The following PCDHA3 variants were observed in gnomAD, a reference collection of about 807,000 sequenced individuals.
PCDHA3 encodes protocadherin alpha 3, also known as protocadherin alpha-3.
PCDHA3 carries 41 observed loss-of-function variants against 62.2 expected under a neutral mutation model. The observed-to-expected ratio is 0.66, with a 90% CI of 0.51 to 0.86. PCDHA3 has a LOEUF of 0.86. Among genes scored for constraint, PCDHA3 ranks in the 40% least tolerant of loss-of-function variants. PCDHA3 has a pLI of 0.00. For missense variants in PCDHA3, 1,304 were observed against 1,241.2 expected (o/e 1.05, Z -0.76); for synonymous variants, 640 against 555.4 (o/e 1.15, Z -2.14).
intron 1 of PCDHA3, chr5:140,876,134 A>T: frequency 6.2e-7 from 1 of 1,613,962 alleles, no homozygotes; most frequent in Non-Finnish European, 8.5e-7. Flanking sequence ...GGTAAACCAG[A>T]ACTAACAGGG....
intron 1 of PCDHA3, chr5:140,877,090 G>C: frequency 2.5e-6 from 4 of 1,613,186 alleles, no homozygotes; most frequent in Non-Finnish European, 3.4e-6. Flanking sequence ...CGCGCGCGAC[G>C]CCGGCGTGCC....
intron 1 of PCDHA3, chr5:140,807,298 G>A (rs1269020710): frequency 3.7e-6 from 6 of 1,614,096 alleles, no homozygotes; most frequent in Non-Finnish European, 5.1e-6. Context: ...CGGTCTCCGA[G>A]GAGGCCAAAC....
chr5:140,851,936 G>C (rs1554145612), intron 1 of PCDHA3: 1 of 965,662 alleles, frequency 1.0e-6, no homozygotes, highest in African/African-American at 1.8e-5. Flanking sequence ...CTGAATTGTA[G>C]TATGTGACTT....
intron 3 of PCDHA3, among the ~76,000 whole-genome samples, chr5:141,000,421 A>ATATT (rs1265241806): frequency 1.1e-4 from 3 of 27,978 alleles, no homozygotes; most frequent in Non-Finnish European, 1.7e-4. Flanking sequence ...ATATATATAT[A>ATATT]TTTTTTTTTT....
At chr5:140,857,335 G>T in intron 1 of PCDHA3, 1 of 1,598,584 alleles carries the variant, frequency 6.3e-7, no homozygotes, top group South Asian at 1.1e-5. Flanking sequence ...CGCGGGACGG[G>T]GGCTCGCCTC....
At chr5:140,857,904 T>A (rs781796196) in intron 1 of PCDHA3, 3 of 1,597,710 alleles carry the variant, frequency 1.9e-6, no homozygotes, top group Admixed American at 3.4e-5. Context: ...GGTGCACGCA[T>A]CCCGTTTCGC....
At position 141,010,411 on chromosome 5, in the gene PCDHA3, G is replaced by A. The variant is rs1215041869; in HGVS notation, c.*474G>A. On this transcript the variant is annotated 3_prime_UTR_variant, in exon 4 of 4. Coordinates refer to ENST00000522353, the MANE Select transcript of PCDHA3 (RefSeq NM_018906.3). Reference sequence around the variant, plus strand: ...TGAGACGAGCCAGCTTAGACTAATTGGTACAAGGAAGGCAAGAAAACAAAG... The same window carrying A: ...TGAGACGAGCCAGCTTAGACTAATTAGTACAAGGAAGGCAAGAAAACAAAG... The A allele has an allele frequency of 8.2e-7, 1 of 1,224,354 alleles. No individual in the cohort carries two copies. Among genetic ancestry groups the A allele is most frequent in the Admixed American group, 2.9e-5 (1 of 35,038 alleles). 75.8% of individuals were successfully genotyped at this position (1,224,354 alleles called of 1,614,324 possible).
At chr5:140,858,561 C>T in intron 1 of PCDHA3, 1 of 1,370,342 alleles carries the variant, frequency 7.3e-7, no homozygotes, top group Non-Finnish European at 1.0e-6. Flanking sequence ...TTGAATATTT[C>T]TAGTGATACC....
At chr5:140,826,718 G>A (rs2150145138) in intron 1 of PCDHA3, among the ~76,000 whole-genome samples, 1 of 152,166 alleles carries the variant, frequency 6.6e-6, no homozygotes, top group Non-Finnish European at 1.5e-5. Context: ...TGAGAAAGAG[G>A]AAGAGCAAGT....
intron 1 of PCDHA3, chr5:140,875,499 G>A (rs782342111): frequency 1.9e-6 from 3 of 1,613,354 alleles, no homozygotes; most frequent in Non-Finnish European, 2.5e-6. Context: ...CAAGAGGCCC[G>A]GGATCCCAGC....
At chr5:140,858,227 G>C (rs782000026) in intron 1 of PCDHA3, 1 of 1,596,486 alleles carries the variant, frequency 6.3e-7, no homozygotes. Context: ...GGCGCCCACC[G>C]AGGGCGCATG....
At chr5:140,866,566 A>C (rs1554160398) in intron 1 of PCDHA3, 1 of 152,154 alleles carries the variant, frequency 6.6e-6, no homozygotes, top group Non-Finnish European at 1.5e-5. Context: ...TAATTTTGTT[A>C]ATACAGTGGT....
intron 1 of PCDHA3, among the ~76,000 whole-genome samples, chr5:140,911,305 T>C (rs1036239500): frequency 1.3e-5 from 2 of 152,186 alleles, no homozygotes; most frequent in Non-Finnish European, 2.9e-5. Context: ...CATATCCCCA[T>C]TCCAAGTTTC....
At chr5:140,870,001 G>T in intron 1 of PCDHA3, 34 of 1,613,566 alleles carry the variant, frequency 2.1e-5, no homozygotes, top group Non-Finnish European at 2.9e-5. Context: ...AAATAATGGA[G>T]AAGTGAGGGT....
chr5:140,846,341 GC>G (rs1780334025), intron 1 of PCDHA3, among the ~76,000 whole-genome samples: 1 of 144,650 alleles, frequency 6.9e-6, no homozygotes, highest in Non-Finnish European at 1.5e-5. Flanking sequence ...CTTTTAAAGT[GC>G]TTTCTCTTTT....
chr5:140,972,260 C>T (rs155805), intron 1 of PCDHA3, among the ~76,000 whole-genome samples: 8,116 of 151,624 alleles, frequency 0.054, 294 homozygotes, highest in Middle Eastern at 0.15. Flanking sequence ...ACACATCAGC[C>T]TCCTGAGTAG....
At chr5:140,902,066 T>C (rs2069077660) in intron 1 of PCDHA3, among the ~76,000 whole-genome samples, 1 of 152,202 alleles carries the variant, frequency 6.6e-6, no homozygotes, top group Admixed American at 6.5e-5. Flanking sequence ...GCAACTTTAC[T>C]GAATTTATTG....
At chr5:140,959,999 A>G (rs564390780) in intron 1 of PCDHA3, among the ~76,000 whole-genome samples, 2 of 152,318 alleles carry the variant, frequency 1.3e-5, no homozygotes, top group African/African-American at 4.8e-5. Flanking sequence ...ATGAAATACA[A>G]ATCTATTTTG....
At chr5:140,816,690 C>T (rs1338266631) in intron 1 of PCDHA3, 2 of 152,192 alleles carry the variant, frequency 1.3e-5, no homozygotes, top group Non-Finnish European at 2.9e-5. Flanking sequence ...AAGATCTTTA[C>T]TAATCAGGCT....
Sources: allele counts gnomAD v4.1 joint callset (sites outside exome capture counted in the v4.1 genomes callset), GRCh38; gene constraint gnomAD v4.1.1; transcripts MANE v1.5; gene names NCBI Gene and HGNC (gene_info 2026-07-23, HGNC 2026-07-21).